The following ITPR1 variants were observed in gnomAD, a reference collection of about 807,000 sequenced individuals.
ITPR1 encodes the protein inositol 1,4,5-trisphosphate receptor type 1, also known as inositol 1,4,5-trisphosphate-gated calcium channel ITPR1.
Under a neutral mutation model 318.4 loss-of-function variants are expected in ITPR1, and 96 were observed. That is an observed-to-expected ratio of 0.30 (90% CI 0.26 to 0.36). The LOEUF (loss-of-function observed/expected upper bound fraction) is 0.36, where lower values mean the gene tolerates loss of function less well. Among genes scored for constraint, ITPR1 ranks in the 10% least tolerant of loss-of-function variants. ITPR1 has a pLI of 1.00. For synonymous variants in ITPR1, 1,312 were observed against 1,289.9 expected, an observed-to-expected ratio of 1.02 and a Z score of -0.37; for missense variants, 2,440 against 3,460.2, an observed-to-expected ratio of 0.71 and a Z score of 7.40.
intron 26 of ITPR1, among the ~76,000 whole-genome samples, chr3:4,682,163 C>A (rs2094315087): frequency 6.6e-6 from 1 of 152,192 alleles, no homozygotes; most frequent in Non-Finnish European, 1.5e-5. Context: ...TGCTGGTGGT[C>A]ACTGTTGGGT....
chr3:4,762,053 GA>G (rs2045490198), intron 44 of ITPR1, among the ~76,000 whole-genome samples: 1 of 78,452 alleles, frequency 1.3e-5, no homozygotes, highest in Non-Finnish European at 3.6e-5. Context: ...CCCCTTCTAA[GA>G]AGAAGTATGT....
chr3:4,528,266 G>A (rs544071563), intron 4 of ITPR1, among the ~76,000 whole-genome samples: 12 of 152,284 alleles, frequency 7.9e-5, no homozygotes, highest in Middle Eastern at 6.8e-3. Context: ...GCAGGTTAAC[G>A]TTAGAAGCCT....
At chr3:4,748,725 G>A (rs554232015) in intron 44 of ITPR1, among the ~76,000 whole-genome samples, 105 of 152,236 alleles carry the variant, frequency 6.9e-4, no homozygotes, top group African/African-American at 2.4e-3. Flanking sequence ...GAAGTATCCC[G>A]TTTAATTTTA....
At chr3:4,577,958 G>C (rs1397041969) in intron 4 of ITPR1, among the ~76,000 whole-genome samples, 1 of 152,194 alleles carries the variant, frequency 6.6e-6, no homozygotes, top group Non-Finnish European at 1.5e-5. Flanking sequence ...AGTTGGCATA[G>C]GCTGGCACAG....
chr3:4,522,250 G>GAA (rs923151751), intron 4 of ITPR1, among the ~76,000 whole-genome samples: 1 of 152,164 alleles, frequency 6.6e-6, no homozygotes, highest in Non-Finnish European at 1.5e-5. Flanking sequence ...AGCCAGGGCG[G>GAA]AAAACCACTG....
At chr3:4,776,681 G>C (rs1377218159) in intron 47 of ITPR1, among the ~76,000 whole-genome samples, 1 of 152,186 alleles carries the variant, frequency 6.6e-6, no homozygotes, top group Non-Finnish European at 1.5e-5. Flanking sequence ...ACAGGCTTGG[G>C]GAAAGGCTTT....
chr3:4,707,160 G>A (rs977883568), intron 37 of ITPR1, among the ~76,000 whole-genome samples: 3 of 152,354 alleles, frequency 2.0e-5, no homozygotes, highest in Admixed American at 6.5e-5. Context: ...TGGGGTTGAT[G>A]TGAGGATTAA....
At chr3:4,751,416 G>C (rs1036722482) in intron 44 of ITPR1, 6 of 152,216 alleles carry the variant, frequency 3.9e-5, no homozygotes, top group African/African-American at 1.4e-4. Flanking sequence ...GGCCACAGAG[G>C]CTTCTGAGAT....
intron 52 of ITPR1, 93 bp downstream of exon 52, chr3:4,788,232 GC>G (rs2047329233): frequency 1.0e-6 from 1 of 986,754 alleles, no homozygotes; most frequent in African/African-American, 1.6e-5. Flanking sequence ...CCAAGCAGGA[GC>G]AAAGCTAGTA....
In ITPR1 at chr3:4,662,642, G is replaced by T. The variant is rs59159452; in HGVS notation, c.1412+400G>T. The stretch of plus-strand genomic sequence containing the variant: ...GGAAGCTGAGGCAGAAGAATTGCTT[G>T]AACCCAGGAGGCGGAGGTTATAGTG... On this transcript the variant is annotated intron_variant, in intron 15 of 61. Transcript: ENST00000649015. Among the ~76,000 whole-genome samples the T allele has an allele frequency of 4.5e-3, 689 of 152,282 alleles. 5 individuals carry two copies. The highest frequency in any genetic ancestry group is 0.016 in the African/African-American group (654 of 41,544).
intron 32 of ITPR1, 125 bp downstream of exon 32, chr3:4,691,469 T>G (rs964966019): frequency 4.0e-5 from 25 of 630,078 alleles, no homozygotes; most frequent in Non-Finnish European, 6.2e-5. Flanking sequence ...AAAGTAATTG[T>G]GTGTGCATAT....
intron 4 of ITPR1, among the ~76,000 whole-genome samples, chr3:4,569,789 C>T (rs961705485): frequency 6.6e-6 from 1 of 152,184 alleles, no homozygotes; most frequent in Admixed American, 6.5e-5. Context: ...CAGTCCTTAA[C>T]CTTAAACTTT....
intron 12 of ITPR1, among the ~76,000 whole-genome samples, chr3:4,655,920 C>A (rs534447171): frequency 1.3e-5 from 2 of 152,176 alleles, no homozygotes; most frequent in African/African-American, 2.4e-5. Flanking sequence ...ACCCCACCCC[C>A]CTCATACTCT....
intron 44 of ITPR1, among the ~76,000 whole-genome samples, chr3:4,757,400 G>A (rs1235460025): frequency 6.6e-6 from 1 of 152,174 alleles, no homozygotes; most frequent in Admixed American, 6.5e-5. Flanking sequence ...TCGAATGCAT[G>A]TGTACCTTCT....
chr3:4,555,620 A>T (rs1271165995), intron 4 of ITPR1, among the ~76,000 whole-genome samples: 1 of 152,232 alleles, frequency 6.6e-6, no homozygotes, highest in Non-Finnish European at 1.5e-5. Context: ...GAGGAAACTT[A>T]CTAATCTACA....
At chr3:4,639,326 C>T (rs1001497085) in intron 5 of ITPR1, 58 bp from the exon 6 acceptor site, 1 of 1,269,034 alleles carries the variant, frequency 7.9e-7, no homozygotes. Flanking sequence ...TGCGTCACTG[C>T]AGTGGGATAG....
chr3:4,658,984 C>T (rs1380240391), intron 13 of ITPR1, among the ~76,000 whole-genome samples: 1 of 152,076 alleles, frequency 6.6e-6, no homozygotes, highest in East Asian at 1.9e-4. Flanking sequence ...TTGCTATCAC[C>T]CTTTCTTGTA....
chr3:4,687,902 C>G (rs899299031), intron 30 of ITPR1, among the ~76,000 whole-genome samples: 1 of 152,108 alleles, frequency 6.6e-6, no homozygotes, highest in Non-Finnish European at 1.5e-5. Context: ...CAGGAGATTT[C>G]CACTTTGCCA....
At chr3:4,530,412 C>T (rs925401177) in intron 4 of ITPR1, among the ~76,000 whole-genome samples, 1 of 152,084 alleles carries the variant, frequency 6.6e-6, no homozygotes, top group Non-Finnish European at 1.5e-5. Flanking sequence ...ATTGAATGGC[C>T]GCTGATCTTT....
Sources: allele counts gnomAD v4.1 joint callset (sites outside exome capture counted in the v4.1 genomes callset), GRCh38; gene constraint gnomAD v4.1.1; transcripts MANE v1.5; gene names NCBI Gene and HGNC (gene_info 2026-07-23, HGNC 2026-07-21).